Variants in CD109 observed in about 807,000 individuals in gnomAD.
CD109 encodes CD109 antigen.
Under a neutral mutation model 165.8 loss-of-function variants are expected in CD109, and 149 were observed. That is an observed-to-expected ratio of 0.90 (90% CI 0.79 to 1.03). CD109 has a LOEUF of 1.03. Ranked by LOEUF, CD109 falls within the 50% of genes least tolerant of loss-of-function variation. CD109 has a pLI of 0.00. For synonymous variants in CD109, 585 were observed against 592.1 expected, an observed-to-expected ratio of 0.99 and a Z score of 0.18; for missense variants, 1,712 against 1,677.8, an observed-to-expected ratio of 1.02 and a Z score of -0.36.
intron 22 of CD109, among the ~76,000 whole-genome samples, chr6:73,790,356 A>C (rs895803599): frequency 6.6e-6 from 1 of 152,176 alleles, no homozygotes; most frequent in Non-Finnish European, 1.5e-5. Flanking sequence ...TCAGCCTCCC[A>C]AAGTGCCAGG....
intron 7 of CD109, among the ~76,000 whole-genome samples, chr6:73,760,671 C>T (rs1386235281): frequency 6.6e-6 from 1 of 151,790 alleles, no homozygotes. Context: ...TATGGTGAAA[C>T]TCCATTTCTA....
chr6:73,814,522 A>G (rs1358143394), intron 29 of CD109, among the ~76,000 whole-genome samples: 11 of 152,212 alleles, frequency 7.2e-5, no homozygotes, highest in Admixed American at 7.2e-4. Flanking sequence ...TTGTATGAAC[A>G]AAAATAATCC....
chr6:73,729,588 C>T (rs1279644698), intron 3 of CD109, among the ~76,000 whole-genome samples: 1 of 151,472 alleles, frequency 6.6e-6, no homozygotes, highest in East Asian at 1.9e-4. Flanking sequence ...GGCACGATCT[C>T]GGCTCACTGC....
At chr6:73,803,395 A>G in intron 24 of CD109, 94 bp downstream of exon 24, 3 of 820,638 alleles carry the variant, frequency 3.7e-6, no homozygotes, top group East Asian at 2.8e-5. Flanking sequence ...ATCTCTATAT[A>G]TTATAGACTG....
rs371134033 is a variant in CD109, at chr6:73,780,251, G to C, written c.1828-173G>C. ...GTAAAAGTAAGTATAAGTAAGAAATGTAATTTTGGCTGACTGACTGATGAA... is the reference window on the plus strand; with the variant it reads ...GTAAAAGTAAGTATAAGTAAGAAATCTAATTTTGGCTGACTGACTGATGAA... On this transcript the variant is annotated intron_variant, in intron 15 of 32. Transcript: ENST00000287097. Among the ~76,000 whole-genome samples, 62 of 152,180 alleles carry C rather than the reference G, an allele frequency of 4.1e-4. 2 individuals carry two copies. In the South Asian group the frequency reaches 5.0e-3, roughly 12 times the overall value.
chr6:73,762,820 A>T lies in CD109; in HGVS notation c.935A>T (p.Tyr312Phe), dbSNP rs914378428. 4 of 1,612,464 alleles carry T rather than the reference A, an allele frequency of 2.5e-6. No individual in the cohort carries two copies. Among genetic ancestry groups the T allele is most frequent in the African/African-American group, 1.3e-5 (1 of 74,918 alleles). Residue 312 changes from tyrosine (Y) to phenylalanine (F), a missense_variant, in exon 9 of 33, where the codon TAC (tyrosine) becomes TTC (phenylalanine). Coordinates refer to ENST00000287097, the MANE Select transcript of CD109 (RefSeq NM_133493.5). ...GATTCTTCAAATGGACTTTCTGAAT[A>T]CCTGGATCTATCTTCCCCTGGACCA... Reference protein sequence around the residue: ...VMDSSNGLSEYLDLSSPGPVE... With the variant: ...VMDSSNGLSEFLDLSSPGPVE...
chr6:73,707,994 ATATATATATATATATT>A (rs1452334217), intron 2 of CD109, among the ~76,000 whole-genome samples: 2 of 42,206 alleles, frequency 4.7e-5, no homozygotes, highest in African/African-American at 5.5e-5. Flanking sequence ...ATATATATAT[ATATATATATATATATT>A]TATTATACTT....
At chr6:73,690,593 GT>G in the CD109 span, among the ~76,000 whole-genome samples, 1 of 152,150 alleles carries the variant, frequency 6.6e-6, no homozygotes, top group African/African-American at 2.4e-5. Flanking sequence ...TAGATACGGG[GT>G]TTCTCCATGT....
At chr6:73,801,230 A>G (rs1775350322) in intron 23 of CD109, among the ~76,000 whole-genome samples, 1 of 152,238 alleles carries the variant, frequency 6.6e-6, no homozygotes, top group African/African-American at 2.4e-5. Context: ...GACCATGCAC[A>G]TGGTATCTGT....
rs528060701 is a variant in CD109 at position 73,811,074 on chromosome 6, C to T, written c.3629C>T (p.Thr1210Met). The stretch of plus-strand genomic sequence containing the variant: ...AGGACAAATATCCAAGTGACCGTGA[C>T]GGGGCCTAGCTCACCAAGTCCTGTA... Reference protein sequence around the residue: ...TERTNIQVTVTGPSSPSPVKF... With the variant: ...TERTNIQVTVMGPSSPSPVKF... Residue 1210 changes from threonine (T) to methionine (M), a missense_variant, in exon 28 of 33, where the codon ACG becomes ATG. Thr to Met is a moderately conservative substitution (Grantham distance 81, BLOSUM62 -1). Coordinates refer to ENST00000287097, the MANE Select transcript of CD109 (RefSeq NM_133493.5). 7.7e-5 allele frequency: 124 copies of T among 1,613,426 alleles called. No homozygotes were observed. The highest frequency in any genetic ancestry group is 1.7e-4 in the Middle Eastern group (1 of 6,056).
chr6:73,754,712 G>A (rs897898033), intron 5 of CD109, among the ~76,000 whole-genome samples: 2 of 152,098 alleles, frequency 1.3e-5, no homozygotes, highest in East Asian at 1.9e-4. Context: ...GCACCCTAAG[G>A]GATAAACTAT....
In CD109 at chr6:73,791,134, T is replaced by TACACACACACAC. The variant is rs573195220; in HGVS notation, c.2702-1489_2702-1488insCACACACACACA. Among the ~76,000 whole-genome samples, 388 of 77,058 alleles carry TACACACACACAC rather than the reference T, an allele frequency of 5.0e-3. 8 individuals are homozygous for TACACACACACAC. The highest frequency in any genetic ancestry group is 5.9e-3 in the Non-Finnish European group (261 of 43,906). 50.6% of individuals were successfully genotyped at this position (77,058 alleles called of 152,430 possible). On this transcript the variant is annotated intron_variant, in intron 22 of 32. Transcript: ENST00000287097. ...ATTTGGAGGCATATATATACATACA[T>TACACACACACAC]ACATATATATATATATATATATATA...
In CD109 at chr6:73,771,573, A is replaced by G. The variant is rs1774036624; in HGVS notation, c.1819A>G (p.Met607Val). 1.3e-6 allele frequency: 2 copies of G among 1,563,768 alleles called. No homozygotes were observed. The highest frequency in any genetic ancestry group is 1.2e-5 in the South Asian group (1 of 81,030). The change falls in exon 15 of 33, where the codon ATG becomes GTG. Residue 607 changes from methionine (M) to valine (V), a missense_variant. By Grantham distance (21) the Met-to-Val change is conservative (BLOSUM62 1). Transcript: ENST00000287097. ...GATGAATGCCTCTAATGATATTACA[A>G]TGGAAAATGTGAGTTTAGCTATTTT... ...NLMNASNDITMENVVHELELY... is the reference protein window; with the variant it reads ...NLMNASNDITVENVVHELELY...
chr6:73,761,092 T>C (rs1185726179), intron 7 of CD109, among the ~76,000 whole-genome samples: 1 of 149,758 alleles, frequency 6.7e-6, no homozygotes, highest in Non-Finnish European at 1.5e-5. Context: ...CTAAGTTTGG[T>C]ACTACAGATT....
At chr6:73,774,490 T>TGGA (rs1272300276) in intron 15 of CD109, among the ~76,000 whole-genome samples, 1 of 152,146 alleles carries the variant, frequency 6.6e-6, no homozygotes, top group Non-Finnish European at 1.5e-5. Flanking sequence ...CCTGAGGGTT[T>TGGA]GGAGGAGGAG....
intron 22 of CD109, among the ~76,000 whole-genome samples, chr6:73,791,960 G>T: frequency 6.6e-6 from 1 of 151,994 alleles, no homozygotes; most frequent in East Asian, 1.9e-4. Flanking sequence ...GCTTAACAAT[G>T]GCAGGGCCAA....
At chr6:73,792,935 G>A in intron 23 of CD109, 133 bp downstream of exon 23, 1 of 625,204 alleles carries the variant, frequency 1.6e-6, no homozygotes, top group Non-Finnish European at 2.7e-6. Context: ...GTGTTGACAT[G>A]TGCAGGAAGT....
intron 9 of CD109, 92 bp downstream of exon 9, chr6:73,762,974 CATT>C (rs1773691475): frequency 2.7e-6 from 3 of 1,110,178 alleles, no homozygotes; most frequent in South Asian, 1.8e-5. Flanking sequence ...TTGGGAGCAT[CATT>C]GACTTTCTAA....
rs914094194 is a variant in CD109 at position 73,825,859 on chromosome 6, T to C, written c.*2226T>C. The C allele has an allele frequency of 2.0e-5, 3 of 152,334 alleles. No individual in the cohort carries two copies. The East Asian group carries it at 5.8e-4, about 29-fold the overall frequency. 9.4% of individuals were successfully genotyped at this position (152,334 alleles called of 1,614,324 possible). A position where few individuals can be genotyped will look rare whatever the true frequency, so the allele number is the denominator to read the frequency against. On this transcript the variant is annotated 3_prime_UTR_variant, in exon 33 of 33. Coordinates refer to ENST00000287097, the MANE Select transcript of CD109 (RefSeq NM_133493.5). Reference sequence around the variant, plus strand: ...CAGGCGTGGTGGCATGCACCTGTAGTCCCACCTACTCGGGAGGCTGAGGCA... The same window carrying C: ...CAGGCGTGGTGGCATGCACCTGTAGCCCCACCTACTCGGGAGGCTGAGGCA...
Sources: allele counts gnomAD v4.1 joint callset (sites outside exome capture counted in the v4.1 genomes callset), GRCh38; gene constraint gnomAD v4.1.1; transcripts MANE v1.5; gene names NCBI Gene and HGNC (gene_info 2026-07-23, HGNC 2026-07-21).